Variants in AHI1 observed in about 807,000 individuals in gnomAD.
AHI1 encodes the protein Abelson helper integration site 1, also known as jouberin.
AHI1 carries 123 observed loss-of-function variants against 149.3 expected under a neutral mutation model. That is an observed-to-expected ratio of 0.82 (90% CI 0.71 to 0.96). AHI1 has a LOEUF of 0.96. AHI1 is among the 40% of genes least tolerant of loss of function. AHI1 has a pLI of 0.00. For missense variants in AHI1, 1,439 were observed against 1,422.7 expected (o/e 1.01, Z -0.18); for synonymous variants, 475 against 459.8 (o/e 1.03, Z -0.42).
At position 135,497,566 on chromosome 6, in the gene AHI1, A is replaced by C. The variant is rs1237167215; in HGVS notation, c.-202+17T>G. 5 of 152,966 alleles carry C rather than the reference A, an allele frequency of 3.3e-5. No individual in the cohort carries two copies. The highest frequency in any genetic ancestry group is 3.3e-4 in the Admixed American group (5 of 15,308). The allele number at this position is 152,966 out of a possible 1,614,324, so 9.5% of individuals were successfully genotyped here. On this transcript the variant is annotated intron_variant, in intron 1 of 28. Transcript: ENST00000265602. Reference sequence around the variant, plus strand: ...CGGCCCGCGCTCCCGCCACCAGCGCACCCATGATGTACTCACGGAGAGGGG... The same window carrying C: ...CGGCCCGCGCTCCCGCCACCAGCGCCCCCATGATGTACTCACGGAGAGGGG...
intron 20 of AHI1, 37 bp from the exon 21 acceptor site, chr6:135,411,581 A>C (rs1454521025): frequency 6.7e-7 from 1 of 1,493,058 alleles, no homozygotes; most frequent in East Asian, 2.3e-5. Flanking sequence ...AAATCATCAT[A>C]GCAAAAGCAT....
intron 27 of AHI1, among the ~76,000 whole-genome samples, chr6:135,294,809 T>TA (rs1782879053): frequency 6.6e-6 from 1 of 150,690 alleles, no homozygotes; most frequent in Non-Finnish European, 1.5e-5. Context: ...TAGTCTTAAA[T>TA]AAAAAATTAT....
intron 26 of AHI1, chr6:135,302,770 C>A: frequency 7.8e-7 from 1 of 1,288,558 alleles, no homozygotes; most frequent in Non-Finnish European, 1.0e-6. Context: ...GAGGCAGAAG[C>A]AGGGGGAAGA....
chr6:135,303,465 A>G (rs1484609096), intron 26 of AHI1, among the ~76,000 whole-genome samples: 1 of 152,172 alleles, frequency 6.6e-6, no homozygotes, highest in Non-Finnish European at 1.5e-5. Context: ...GAGAGAGGAA[A>G]AACAACTAAA....
At chr6:135,295,445 C>T (rs755722239) in intron 27 of AHI1, among the ~76,000 whole-genome samples, 3 of 152,126 alleles carry the variant, frequency 2.0e-5, no homozygotes, top group Non-Finnish European at 2.9e-5. Flanking sequence ...TCTTCAATGC[C>T]TCTTTCAGTG....
intron 5 of AHI1, among the ~76,000 whole-genome samples, chr6:135,486,471 A>C (rs961732375): frequency 6.6e-6 from 1 of 152,020 alleles, no homozygotes; most frequent in Non-Finnish European, 1.5e-5. Context: ...TATTCAATTT[A>C]TTTGCACTAA....
Position 135,466,080 on chromosome 6 carries a change from T to G in AHI1, c.483A>C (p.Pro161=). ...TTTTCTGATGATCAACGCCTGGCTGTGGCTTTGTATGTGTTTTCTGGTGTG... is the reference window on the plus strand; with the variant it reads ...TTTTCTGATGATCAACGCCTGGCTGGGGCTTTGTATGTGTTTTCTGGTGTG... ...DSTHQKTHTK[P]QPGVDHQKSE... The change falls in exon 7 of 29, where the codon CCA becomes CCC. Residue 161 remains proline (P), a synonymous_variant. Transcript: ENST00000265602. 1.9e-6 allele frequency: 3 copies of G among 1,613,964 alleles called. No individual in the cohort carries two copies. The highest frequency in any genetic ancestry group is 2.5e-6 in the Non-Finnish European group (3 of 1,179,866).
intron 23 of AHI1, among the ~76,000 whole-genome samples, chr6:135,379,632 A>ATAC (rs1248379316): frequency 3.3e-5 from 5 of 152,186 alleles, no homozygotes; most frequent in African/African-American, 1.2e-4. Flanking sequence ...TTTCCAGTGA[A>ATAC]TACTAGCAGT....
chr6:135,300,547 AT>A lies in AHI1; in HGVS notation c.3437del (p.Asn1146IlefsTer10). The A allele has an allele frequency of 6.2e-7, 1 of 1,607,084 alleles. No individual in the cohort carries two copies. The highest frequency in any genetic ancestry group is 1.1e-5 in the South Asian group (1 of 89,282). On this transcript the variant is annotated frameshift_variant, in exon 27 of 29. Coordinates refer to ENST00000265602, the MANE Select transcript of AHI1 (RefSeq NM_001134831.2). LOFTEE classifies it high-confidence loss of function. Reference protein sequence around the residue: ...KSPAPQKQSINKNKSQDFRLG... With the variant: ...KSPAPQKQSIXKNKSQDFRLG... ...GTCTGAAGTCCTGGGACTTGTTCTT[AT>A]TGATTGATTGCTGTGGAAGAAGAGG...
intron 23 of AHI1, among the ~76,000 whole-genome samples, chr6:135,384,095 T>C (rs933257050): frequency 6.6e-6 from 1 of 152,234 alleles, no homozygotes; most frequent in East Asian, 1.9e-4. Flanking sequence ...AAACCACTTA[T>C]TGAAATGTTT....
intron 23 of AHI1, among the ~76,000 whole-genome samples, chr6:135,392,420 A>T (rs1273217835): frequency 2.0e-5 from 3 of 152,182 alleles, no homozygotes; most frequent in Non-Finnish European, 2.9e-5. Flanking sequence ...GCACTCTAGC[A>T]TGTAAACCCA....
rs1483605947 is a variant in AHI1, at chr6:135,303,341, G to A, written c.3427-2783C>T. On this transcript the variant is annotated intron_variant, in intron 26 of 28. Coordinates refer to ENST00000265602, the MANE Select transcript of AHI1 (RefSeq NM_001134831.2). The stretch of plus-strand genomic sequence containing the variant: ...CTTAAATAAGGCAAATTTATGATAC[G>A]GTATAGTTCTATTTTTACATGCGGC... 2.0e-5 allele frequency among the ~76,000 whole-genome samples: 3 copies of A among 151,974 alleles called. No individual in the cohort carries two copies. The South Asian group carries it at 6.2e-4, about 32-fold the overall frequency.
At chr6:135,311,120 G>T (rs1405664647) in intron 26 of AHI1, among the ~76,000 whole-genome samples, 1 of 151,816 alleles carries the variant, frequency 6.6e-6, no homozygotes, top group Non-Finnish European at 1.5e-5. Context: ...TGGCCAGCAT[G>T]GTGAAACCCC....
chr6:135,363,759 G>A (rs1794343135), intron 23 of AHI1, among the ~76,000 whole-genome samples: 1 of 147,560 alleles, frequency 6.8e-6, no homozygotes, highest in Non-Finnish European at 1.5e-5. Context: ...CAGCTGGCCG[G>A]GCGGGGGTTG....
intron 18 of AHI1, 59 bp from the exon 19 acceptor site, chr6:135,428,818 T>C (rs1784263503): frequency 2.1e-6 from 3 of 1,441,788 alleles, no homozygotes; most frequent in Non-Finnish European, 1.9e-6. Context: ...TGACTGGTGG[T>C]ATAAAATCTT....
chr6:135,395,491 T>C (rs190668573), intron 22 of AHI1, among the ~76,000 whole-genome samples: 3 of 152,018 alleles, frequency 2.0e-5, no homozygotes. Flanking sequence ...TTCTATAACA[T>C]ACAAAACCTA....
intron 5 of AHI1, among the ~76,000 whole-genome samples, chr6:135,478,238 T>A (rs987667291): frequency 6.6e-6 from 1 of 152,176 alleles, no homozygotes; most frequent in Non-Finnish European, 1.5e-5. Context: ...TGGAACAGTT[T>A]GAAGGGCTCA....
At chr6:135,382,926 AATATATATATAT>A (rs1217996100) in intron 23 of AHI1, among the ~76,000 whole-genome samples, 12 of 30,506 alleles carry the variant, frequency 3.9e-4, no homozygotes, top group African/African-American at 1.1e-3. Context: ...AAAAAAAAAA[AATATATATATAT>A]ATATATATAT....
chr6:135,396,701 T>A (rs757411042), intron 22 of AHI1, among the ~76,000 whole-genome samples: 1 of 151,856 alleles, frequency 6.6e-6, no homozygotes, highest in Admixed American at 6.6e-5. Flanking sequence ...TTCTCAGTTT[T>A]ACTTCCTGAA....
Sources: gnomAD v4.1 joint callset for allele counts (sites outside exome capture counted in the v4.1 genomes callset) on GRCh38, gnomAD v4.1.1 for gene constraint, MANE v1.5 for transcripts, NCBI Gene and HGNC (gene_info 2026-07-23, HGNC 2026-07-21) for gene names.